Variants in PRDM16 observed in about 807,000 individuals in gnomAD.
PRDM16 encodes the protein PR/SET domain 16, also known as histone-lysine N-methyltransferase PRDM16.
PRDM16 carries 23 observed loss-of-function variants against 110.6 expected under a neutral mutation model. The observed-to-expected ratio is 0.21, with a 90% CI of 0.15 to 0.29. The LOEUF (loss-of-function observed/expected upper bound fraction) is 0.29. Ranked by LOEUF, PRDM16 falls within the 10% of genes least tolerant of loss-of-function variation. The pLI is 1.00. For synonymous variants in PRDM16, 799 were observed against 781.8 expected, an observed-to-expected ratio of 1.02 and a Z score of -0.37; for missense variants, 1,615 against 1,794.3, an observed-to-expected ratio of 0.90 and a Z score of 1.81.
At chr1:3,319,627 C>T (rs376643675) in intron 3 of PRDM16, among the ~76,000 whole-genome samples, 2 of 152,228 alleles carry the variant, frequency 1.3e-5, no homozygotes, top group African/African-American at 2.4e-5. Flanking sequence ...AGGCGTCAGG[C>T]GCTCCTCTCT....
intron 3 of PRDM16, among the ~76,000 whole-genome samples, chr1:3,321,850 G>A (rs924797970): frequency 2.0e-5 from 3 of 150,524 alleles, no homozygotes; most frequent in Non-Finnish European, 3.0e-5. Flanking sequence ...GTGTGGGTCC[G>A]TGTGTGAGTG....
chr1:3,391,710 C>T (rs986295313), intron 4 of PRDM16, among the ~76,000 whole-genome samples: 6 of 152,358 alleles, frequency 3.9e-5, no homozygotes, highest in East Asian at 1.9e-4. Context: ...GGGACTCCAG[C>T]GGGCTTTTCC....
intron 2 of PRDM16, among the ~76,000 whole-genome samples, chr1:3,193,444 T>A (rs1320968878): frequency 2.0e-5 from 3 of 152,184 alleles, no homozygotes; most frequent in Non-Finnish European, 4.4e-5. Flanking sequence ...GTGTTTGACA[T>A]AGCTCTCCTC....
intron 5 of PRDM16, among the ~76,000 whole-genome samples, chr1:3,402,093 C>A (rs564425528): frequency 6.6e-6 from 1 of 152,270 alleles, no homozygotes; most frequent in Non-Finnish European, 1.5e-5. Context: ...AAGACGCCCC[C>A]GTGCACTCAC....
chr1:3,231,431 C>T (rs868338496), intron 2 of PRDM16, among the ~76,000 whole-genome samples: 26 of 152,252 alleles, frequency 1.7e-4, no homozygotes, highest in Non-Finnish European at 1.5e-4. Context: ...TCAGGGACAG[C>T]GGTCAAGGCC....
chr1:3,115,466 G>A (rs891220153), intron 1 of PRDM16, among the ~76,000 whole-genome samples: 1 of 152,232 alleles, frequency 6.6e-6, no homozygotes, highest in African/African-American at 2.4e-5. Context: ...CTAATGGCAC[G>A]CGGACTTTGC....
chr1:3,264,260 C>T lies in PRDM16; in HGVS notation c.438+20123C>T, dbSNP rs116734686. Among the ~76,000 whole-genome samples the T allele has an allele frequency of 2.5e-3, 381 of 152,266 alleles. 1 individual carries two copies. Among genetic ancestry groups the T allele is most frequent in the African/African-American group, 8.6e-3 (356 of 41,548 alleles). On this transcript the variant is annotated intron_variant, in intron 3 of 16. Transcript: ENST00000270722. Reference sequence around the variant, plus strand: ...CTTAAGGGAGTCCATGAGGCTGAGCCGGAGCAGGATATGGAGCAGAGCTGA... The same window carrying T: ...CTTAAGGGAGTCCATGAGGCTGAGCTGGAGCAGGATATGGAGCAGAGCTGA...
At chr1:3,094,763 C>T (rs960771932) in intron 1 of PRDM16, among the ~76,000 whole-genome samples, 5 of 152,236 alleles carry the variant, frequency 3.3e-5, no homozygotes, top group Admixed American at 6.5e-5. Context: ...ATGAGCAAGG[C>T]CTTCGGGTGC....
chr1:3,257,004 G>T (rs1298996684), intron 3 of PRDM16, among the ~76,000 whole-genome samples: 2 of 152,238 alleles, frequency 1.3e-5, no homozygotes, highest in East Asian at 3.8e-4. Flanking sequence ...ATGCCTTATT[G>T]CTGAGATAAT....
intron 3 of PRDM16, among the ~76,000 whole-genome samples, chr1:3,257,430 G>C (rs537113562): frequency 6.6e-6 from 1 of 152,200 alleles, no homozygotes; most frequent in Non-Finnish European, 1.5e-5. Flanking sequence ...ACTGCAACCA[G>C]AGAGTCCCAG....
chr1:3,331,988 C>T (rs1487143194), intron 3 of PRDM16, among the ~76,000 whole-genome samples: 2 of 152,252 alleles, frequency 1.3e-5, no homozygotes, highest in African/African-American at 4.8e-5. Flanking sequence ...TAGACTCTGG[C>T]CCTGGGACTG....
intron 1 of PRDM16, among the ~76,000 whole-genome samples, chr1:3,113,323 G>A (rs377033949): frequency 2.0e-5 from 3 of 152,210 alleles, no homozygotes; most frequent in Non-Finnish European, 4.4e-5. Context: ...GAGACAGGAC[G>A]GCTAGGGGAT....
intron 3 of PRDM16, among the ~76,000 whole-genome samples, chr1:3,361,190 C>A (rs991568738): frequency 1.3e-5 from 2 of 152,206 alleles, no homozygotes; most frequent in Non-Finnish European, 2.9e-5. Context: ...CCCCCGTCCC[C>A]CTTTAAACCA....
In PRDM16 at chr1:3,435,092, C is replaced by T. The variant is rs1638871825; in HGVS notation, c.*1281C>T. On this transcript the variant is annotated 3_prime_UTR_variant, in exon 17 of 17. Coordinates refer to ENST00000270722, the MANE Select transcript of PRDM16 (RefSeq NM_022114.4). ...CGCAAGGAGCAGAGACAGCACAGCC[C>T]CCCGGGCCCAGCCGCCTCCCTCTCT... 1 of 227,362 alleles carries T rather than the reference C, an allele frequency of 4.4e-6. No individual in the cohort carries two copies. Among genetic ancestry groups the T allele is most frequent in the Admixed American group, 5.7e-5 (1 of 17,550 alleles). The allele number at this position is 227,362 out of a possible 1,614,324, so 14.1% of individuals were successfully genotyped here.
intron 1 of PRDM16, among the ~76,000 whole-genome samples, chr1:3,179,793 C>A (rs916646391): frequency 6.6e-6 from 1 of 152,194 alleles, no homozygotes; most frequent in East Asian, 1.9e-4. Flanking sequence ...GGTGATCCGG[C>A]CCCGAGTGAT....
chr1:3,088,360 C>T (rs1342575870), intron 1 of PRDM16, among the ~76,000 whole-genome samples: 2 of 152,154 alleles, frequency 1.3e-5, no homozygotes, highest in African/African-American at 2.4e-5. Context: ...AGCTGGGGCT[C>T]AAGTCACTGA....
intron 1 of PRDM16, among the ~76,000 whole-genome samples, chr1:3,122,110 G>T (rs949422886): frequency 7.9e-5 from 12 of 152,140 alleles, no homozygotes; most frequent in African/African-American, 2.7e-4. Context: ...AGGTCAGGCG[G>T]ACACGTCCAG....
intron 12 of PRDM16, among the ~76,000 whole-genome samples, chr1:3,422,686 C>T (rs997933441): frequency 4.6e-5 from 7 of 152,210 alleles, no homozygotes; most frequent in Non-Finnish European, 7.4e-5. Context: ...TGGGACACGT[C>T]GGGTAGGGGG....
chr1:3,273,646 A>G (rs549362844), intron 3 of PRDM16, among the ~76,000 whole-genome samples: 1 of 150,682 alleles, frequency 6.6e-6, no homozygotes, highest in East Asian at 2.0e-4. Context: ...ATGTGTGTGT[A>G]TGGCCTGCAT....
Sources: gnomAD v4.1 joint callset for allele counts (sites outside exome capture counted in the v4.1 genomes callset) on GRCh38, gnomAD v4.1.1 for gene constraint, MANE v1.5 for transcripts, NCBI Gene and HGNC (gene_info 2026-07-23, HGNC 2026-07-21) for gene names.